PCDH7: variants seen among roughly 807,000 people sequenced by gnomAD.
PCDH7 encodes the protein protocadherin 7.
PCDH7 carries 17 observed loss-of-function variants against 58.9 expected under a neutral mutation model. That is an observed-to-expected ratio of 0.29 (90% CI 0.20 to 0.43). The LOEUF is 0.43. Among genes scored for constraint, PCDH7 ranks in the 20% least tolerant of loss-of-function variants. The probability of loss-of-function intolerance (pLI) is 1.00; values close to 1 mark genes in which losing one functional copy is unlikely to be tolerated. For synonymous variants in PCDH7, 664 were observed against 616.4 expected (o/e 1.08, Z -1.14); for missense variants, 1,274 against 1,441.0 (o/e 0.88, Z 1.88).
chr4:30,958,725 G>A (rs185003537), intron 3 of PCDH7, among the ~76,000 whole-genome samples: 2 of 151,650 alleles, frequency 1.3e-5, no homozygotes, highest in African/African-American at 4.8e-5. Context: ...TAAGAATTTT[G>A]ATATTTATCT....
intron 3 of PCDH7, among the ~76,000 whole-genome samples, chr4:30,980,145 A>G (rs2109108956): frequency 6.6e-6 from 1 of 152,306 alleles, no homozygotes; most frequent in African/African-American, 2.4e-5. Flanking sequence ...TCTTGCTTTA[A>G]GATAGAGTGC....
intron 2 of PCDH7, among the ~76,000 whole-genome samples, chr4:30,944,881 T>C (rs1237986075): frequency 6.6e-6 from 1 of 152,184 alleles, no homozygotes; most frequent in Non-Finnish European, 1.5e-5. Context: ...TAGTGGGTTA[T>C]GCTATTGTGG....
At chr4:30,968,294 C>A (rs1413441555) in intron 3 of PCDH7, among the ~76,000 whole-genome samples, 4,407 of 31,194 alleles carry the variant, frequency 0.14, 851 homozygotes, top group African/African-American at 0.49. Context: ...ATTACTCTCT[C>A]TCTCTCTCTA....
intron 1 of PCDH7, among the ~76,000 whole-genome samples, chr4:30,762,178 T>C (rs891452370): frequency 6.6e-6 from 1 of 152,202 alleles, no homozygotes; most frequent in African/African-American, 2.4e-5. Context: ...GAATCGGCTA[T>C]AAAAGCTGTG....
chr4:30,798,535 TTAA>T (rs1725096662), intron 1 of PCDH7, among the ~76,000 whole-genome samples: 1 of 152,186 alleles, frequency 6.6e-6, no homozygotes, highest in Non-Finnish European at 1.5e-5. Context: ...GAGAAACATA[TTAA>T]TGCATGGTTT....
At chr4:31,039,309 G>A (rs1044771911) in intron 3 of PCDH7, among the ~76,000 whole-genome samples, 1 of 152,238 alleles carries the variant, frequency 6.6e-6, no homozygotes, top group Non-Finnish European at 1.5e-5. Flanking sequence ...GCCAATTGAA[G>A]GGTCTTCCTC....
At chr4:31,126,652 C>G (rs1718346807) in intron 3 of PCDH7, among the ~76,000 whole-genome samples, 1 of 152,020 alleles carries the variant, frequency 6.6e-6, no homozygotes, top group African/African-American at 2.4e-5. Flanking sequence ...TCCACTAGTC[C>G]TTGGCTTATT....
intron 1 of PCDH7, among the ~76,000 whole-genome samples, chr4:30,788,680 G>A: frequency 6.6e-6 from 1 of 152,056 alleles, no homozygotes; most frequent in South Asian, 2.1e-4. Context: ...AGAGAAAAGA[G>A]TTTATCTTAG....
At chr4:30,904,270 C>T (rs926677414) in intron 1 of PCDH7, among the ~76,000 whole-genome samples, 2 of 152,136 alleles carry the variant, frequency 1.3e-5, no homozygotes, top group African/African-American at 4.8e-5. Flanking sequence ...CCTCACTAGA[C>T]TAAAATCAAG....
chr4:30,855,291 C>T (rs1387519737), intron 1 of PCDH7, among the ~76,000 whole-genome samples: 1 of 152,138 alleles, frequency 6.6e-6, no homozygotes, highest in East Asian at 1.9e-4. Context: ...AACAGAATAT[C>T]CAGGTAGACC....
At chr4:30,853,833 T>C (rs143131046) in intron 1 of PCDH7, among the ~76,000 whole-genome samples, 18 of 152,166 alleles carry the variant, frequency 1.2e-4, no homozygotes, top group African/African-American at 3.6e-4. Context: ...TTTAAAGCCA[T>C]TGTGTACTCC....
chr4:31,018,749 T>C (rs1753804070), intron 3 of PCDH7, among the ~76,000 whole-genome samples: 1 of 152,176 alleles, frequency 6.6e-6, no homozygotes, highest in African/African-American at 2.4e-5. Context: ...TATGTATTTG[T>C]TTTTACAAAC....
intron 3 of PCDH7, among the ~76,000 whole-genome samples, chr4:31,087,946 T>C (rs368570339): frequency 1.3e-5 from 2 of 152,016 alleles, no homozygotes; most frequent in Non-Finnish European, 2.9e-5. Context: ...ATTTATTAAC[T>C]CATTTAATTC....
chr4:30,997,432 C>T (rs1335655098), intron 3 of PCDH7, among the ~76,000 whole-genome samples: 1 of 152,070 alleles, frequency 6.6e-6, no homozygotes, highest in African/African-American at 2.4e-5. Flanking sequence ...TTAGAATTTA[C>T]CCTATGACTA....
chr4:31,060,929 T>G (rs1560612248), intron 3 of PCDH7, among the ~76,000 whole-genome samples: 1 of 151,764 alleles, frequency 6.6e-6, no homozygotes, highest in Admixed American at 6.6e-5. Flanking sequence ...GGGAAAGTTT[T>G]CATTATTCTC....
intron 1 of PCDH7, among the ~76,000 whole-genome samples, chr4:30,882,107 C>A (rs1257705627): frequency 1.4e-5 from 2 of 143,666 alleles, no homozygotes; most frequent in Admixed American, 7.0e-5. Context: ...CCCCTCCTCC[C>A]CCTCCTCCTC....
intron 1 of PCDH7, among the ~76,000 whole-genome samples, chr4:30,810,431 GC>G (rs1418558566): frequency 1.3e-5 from 1 of 79,200 alleles, no homozygotes; most frequent in Non-Finnish European, 2.1e-5. Flanking sequence ...TCATTTTTTA[GC>G]TTTTTTTTTT....
intron 3 of PCDH7, among the ~76,000 whole-genome samples, chr4:30,963,759 C>G (rs1232526634): frequency 1.3e-5 from 2 of 152,048 alleles, no homozygotes; most frequent in East Asian, 1.9e-4. Context: ...AGTGAACTAC[C>G]CCTTTTTCTC....
At chr4:31,072,079 C>T (rs1441032410) in intron 3 of PCDH7, among the ~76,000 whole-genome samples, 3 of 151,992 alleles carry the variant, frequency 2.0e-5, no homozygotes, top group Admixed American at 1.3e-4. Flanking sequence ...ACTCACATGG[C>T]TGCACACTAG....
Sources: gnomAD v4.1 joint callset for allele counts (sites outside exome capture counted in the v4.1 genomes callset) on GRCh38, gnomAD v4.1.1 for gene constraint, MANE v1.5 for transcripts, NCBI Gene and HGNC (gene_info 2026-07-23, HGNC 2026-07-21) for gene names.